Variants in CDH13 observed in about 807,000 individuals in gnomAD.
CDH13 encodes cadherin-13.
In CDH13, 24 loss-of-function variants were observed where a neutral mutation model predicts 63.8. The ratio of observed to expected loss-of-function variants is 0.38; its 90% confidence interval spans 0.27 to 0.53. The LOEUF is 0.53. Ranked by LOEUF, CDH13 falls within the 20% of genes least tolerant of loss-of-function variation. CDH13 has a pLI of 0.85. For missense variants in CDH13, 1,049 were observed against 903.1 expected, an observed-to-expected ratio of 1.16 and a Z score of -2.07; for synonymous variants, 503 against 355.3, an observed-to-expected ratio of 1.42 and a Z score of -4.67.
intron 5 of CDH13, among the ~76,000 whole-genome samples, chr16:83,314,075 T>C (rs1228770152): frequency 1.3e-5 from 2 of 152,212 alleles, no homozygotes; most frequent in Non-Finnish European, 2.9e-5. Flanking sequence ...CTGTCAAATC[T>C]CATTTGAAGA....
At chr16:83,319,167 T>G (rs1206939263) in intron 5 of CDH13, among the ~76,000 whole-genome samples, 1 of 152,186 alleles carries the variant, frequency 6.6e-6, no homozygotes, top group African/African-American at 2.4e-5. Context: ...TTGTCTCTTA[T>G]AGAACTATAA....
At chr16:82,643,014 G>C (rs560822621) in intron 1 of CDH13, among the ~76,000 whole-genome samples, 5 of 152,288 alleles carry the variant, frequency 3.3e-5, no homozygotes, top group South Asian at 2.1e-4. Flanking sequence ...CAAATCCAGA[G>C]ACAGAAAGCA....
At chr16:83,109,157 C>G (rs1168046575) in intron 3 of CDH13, among the ~76,000 whole-genome samples, 2 of 152,154 alleles carry the variant, frequency 1.3e-5, no homozygotes, top group East Asian at 3.9e-4. Context: ...ACGAGGATCC[C>G]TCAGGTGGCC....
chr16:82,945,408 G>A (rs559422347), intron 2 of CDH13, among the ~76,000 whole-genome samples: 1 of 152,180 alleles, frequency 6.6e-6, no homozygotes, highest in Non-Finnish European at 1.5e-5. Context: ...GTACGAAATG[G>A]ATATTAAGAT....
intron 10 of CDH13, among the ~76,000 whole-genome samples, chr16:83,684,027 G>C (rs183539041): frequency 1.3e-5 from 2 of 152,156 alleles, no homozygotes; most frequent in Non-Finnish European, 2.9e-5. Flanking sequence ...GATGATATTC[G>C]AGTATCTCTA....
At chr16:83,705,970 C>T (rs1182262671) in intron 10 of CDH13, among the ~76,000 whole-genome samples, 7 of 152,138 alleles carry the variant, frequency 4.6e-5, no homozygotes, top group Admixed American at 4.6e-4. Context: ...CATAACAAAT[C>T]ACACACAAAC....
chr16:82,733,786 C>A (rs1016162329), intron 1 of CDH13, among the ~76,000 whole-genome samples: 2 of 152,178 alleles, frequency 1.3e-5, no homozygotes, highest in Non-Finnish European at 2.9e-5. Context: ...AGAAAAGAAA[C>A]ACACTACTTA....
At chr16:83,392,368 A>G (rs1410667755) in intron 6 of CDH13, among the ~76,000 whole-genome samples, 1 of 152,212 alleles carries the variant, frequency 6.6e-6, no homozygotes, top group African/African-American at 2.4e-5. Context: ...CTTATATTGT[A>G]TATTATTTAT....
intron 7 of CDH13, among the ~76,000 whole-genome samples, chr16:83,581,577 G>A (rs1905603416): frequency 6.6e-6 from 1 of 152,162 alleles, no homozygotes; most frequent in African/African-American, 2.4e-5. Flanking sequence ...CCAGCACTTT[G>A]GGAGGCCAAG....
intron 2 of CDH13, among the ~76,000 whole-genome samples, chr16:82,866,272 A>C (rs7202068): frequency 0.63 from 95,864 of 151,590 alleles, 30,591 homozygotes; most frequent in East Asian, 0.84. Context: ...TGCCTGTTAC[A>C]CATTTCCAAA....
chr16:82,806,698 T>C (rs8056951), intron 1 of CDH13, among the ~76,000 whole-genome samples: 2 of 152,128 alleles, frequency 1.3e-5, no homozygotes, highest in African/African-American at 4.8e-5. Flanking sequence ...ATTTCCAAGC[T>C]CTGCAGGGCA....
chr16:83,083,926 A>G (rs1300671956), intron 3 of CDH13, among the ~76,000 whole-genome samples: 3 of 152,206 alleles, frequency 2.0e-5, no homozygotes, highest in Non-Finnish European at 1.5e-5. Context: ...AGCTCCAGGT[A>G]AGTCTCACTA....
intron 2 of CDH13, among the ~76,000 whole-genome samples, chr16:82,961,572 TA>T (rs71376305): frequency 0.19 from 19,487 of 103,296 alleles, 1,409 homozygotes; most frequent in Middle Eastern, 0.29. Context: ...GCAGGGGACT[TA>T]AAAAAAAAAA....
At chr16:83,014,729 T>G (rs1597409750) in intron 2 of CDH13, among the ~76,000 whole-genome samples, 1 of 22,302 alleles carries the variant, frequency 4.5e-5, no homozygotes, top group Non-Finnish European at 8.5e-5. Context: ...AGACTCCATC[T>G]AAAAAAAAAA....
intron 1 of CDH13, chr16:82,823,153 G>A (rs192862128): frequency 1.3e-5 from 2 of 152,292 alleles, no homozygotes; most frequent in African/African-American, 2.4e-5. Context: ...TACCTTTTAT[G>A]ACTTAGTGTC....
chr16:82,866,761 C>A (rs142641644), intron 2 of CDH13, among the ~76,000 whole-genome samples: 1 of 152,018 alleles, frequency 6.6e-6, no homozygotes, highest in Non-Finnish European at 1.5e-5. Context: ...AGCAAGGCAC[C>A]TTCTTCACAA....
chr16:83,257,080 C>T (rs1355309491), intron 5 of CDH13, among the ~76,000 whole-genome samples: 1 of 151,952 alleles, frequency 6.6e-6, no homozygotes, highest in African/African-American at 2.4e-5. Context: ...TTTGAAGGAA[C>T]CATACAGGCA....
intron 10 of CDH13, among the ~76,000 whole-genome samples, chr16:83,725,223 A>G (rs772680241): frequency 6.6e-6 from 1 of 152,228 alleles, no homozygotes; most frequent in Non-Finnish European, 1.5e-5. Context: ...ATGTTCAGGC[A>G]GAGGAAATGG....
chr16:83,658,032 ATG>A (rs1913038611), intron 8 of CDH13, among the ~76,000 whole-genome samples: 1 of 85,458 alleles, frequency 1.2e-5, no homozygotes, highest in African/African-American at 4.4e-5. Context: ...ACCAGGTCCC[ATG>A]TCCTCACCAG....
Sources: allele counts gnomAD v4.1 joint callset (sites outside exome capture counted in the v4.1 genomes callset), GRCh38; gene constraint gnomAD v4.1.1; transcripts MANE v1.5; gene names NCBI Gene and HGNC (gene_info 2026-07-23, HGNC 2026-07-21).